PIK3R4: variants seen among roughly 807,000 people sequenced by gnomAD.
PIK3R4 encodes the protein phosphoinositide 3-kinase regulatory subunit 4.
PIK3R4 carries 46 observed loss-of-function variants against 136.5 expected under a neutral mutation model. The ratio of observed to expected loss-of-function variants is 0.34; its 90% confidence interval spans 0.27 to 0.43. PIK3R4 has a LOEUF of 0.43. Ranked by LOEUF, PIK3R4 falls within the 20% of genes least tolerant of loss-of-function variation. The pLI, the probability that PIK3R4 is intolerant of heterozygous loss-of-function variation, is 1.00. For missense variants in PIK3R4, 1,331 were observed against 1,649.5 expected (o/e 0.81, Z 3.35); for synonymous variants, 557 against 566.7 (o/e 0.98, Z 0.24).
intron 13 of PIK3R4, among the ~76,000 whole-genome samples, chr3:130,703,470 A>G (rs567813973): frequency 6.6e-6 from 1 of 152,206 alleles, no homozygotes; most frequent in South Asian, 2.1e-4. Context: ...CCTCTACTGC[A>G]TTTCCTAGCT....
At chr3:130,691,341 C>G (rs1324742394) in intron 13 of PIK3R4, among the ~76,000 whole-genome samples, 1 of 152,160 alleles carries the variant, frequency 6.6e-6, no homozygotes, top group Non-Finnish European at 1.5e-5. Context: ...TACTCATCTA[C>G]AAAACAAGTA....
chr3:130,734,816 G>T (rs2066777264), intron 3 of PIK3R4, among the ~76,000 whole-genome samples: 1 of 152,018 alleles, frequency 6.6e-6, no homozygotes, highest in African/African-American at 2.4e-5. Context: ...CACTCATAGG[G>T]TATCAGTCAT....
At chr3:130,685,488 T>C (rs2108515355) in intron 15 of PIK3R4, among the ~76,000 whole-genome samples, 1 of 152,338 alleles carries the variant, frequency 6.6e-6, no homozygotes, top group East Asian at 1.9e-4. Context: ...AAAGACTTAT[T>C]TGCAAATATT....
chr3:130,738,172 TA>T (rs201631955), intron 2 of PIK3R4, among the ~76,000 whole-genome samples: 2,333 of 152,226 alleles, frequency 0.015, 82 homozygotes, highest in African/African-American at 0.052. Context: ...AAAAACACCA[TA>T]AGCAACAAGG....
intron 3 of PIK3R4, among the ~76,000 whole-genome samples, chr3:130,734,563 G>A (rs2107619986): frequency 6.6e-6 from 1 of 152,276 alleles, no homozygotes; most frequent in South Asian, 2.1e-4. Flanking sequence ...CATATCCCGG[G>A]TTGAGTTATG....
At chr3:130,691,729 T>TATA (rs34982493) in intron 13 of PIK3R4, among the ~76,000 whole-genome samples, 29,566 of 152,074 alleles carry the variant, frequency 0.19, 3,043 homozygotes, top group South Asian at 0.35. Flanking sequence ...TAAAAACATT[T>TATA]ATAATACCAC....
At position 130,745,199 on chromosome 3, in the gene PIK3R4, C is replaced by G. The variant is rs1174287471; in HGVS notation, c.20G>C (p.Gly7Ala). MGNQLA[G>A]IAPSQILSVE... is the part of the protein sequence containing the mutation. ...AGAAAGGATCTGGGAGGGAGCAATG[C>G]CAGCAAGCTGATTTCCCATAATGGC... The change falls in exon 2 of 20, where the codon GGC becomes GCC. Residue 7 changes from glycine (G) to alanine (A), a missense_variant. Gly to Ala is a moderately conservative substitution (Grantham distance 60). This residue lies in a region of PIK3R4 where 151 missense variants were observed against 242.5 expected (regional missense o/e 0.62). Transcript: ENST00000356763. 1 of 1,600,738 alleles carries G rather than the reference C, an allele frequency of 6.2e-7. No individual in the cohort carries two copies. Among genetic ancestry groups the G allele is most frequent in the Non-Finnish European group, 8.5e-7 (1 of 1,177,248 alleles).
intron 6 of PIK3R4, 78 bp from the exon 7 acceptor site, chr3:130,723,665 A>G: frequency 8.2e-7 from 1 of 1,219,126 alleles, no homozygotes; most frequent in South Asian, 1.5e-5. Flanking sequence ...AATAAAATTA[A>G]GCAAAAGCCA....
At chr3:130,694,136 G>A (rs1457792413) in intron 13 of PIK3R4, among the ~76,000 whole-genome samples, 2 of 152,016 alleles carry the variant, frequency 1.3e-5, no homozygotes, top group Non-Finnish European at 2.9e-5. Context: ...TGATCTATAT[G>A]TCTATCCTTA....
chr3:130,703,333 T>C (rs567402169), intron 13 of PIK3R4, among the ~76,000 whole-genome samples: 39 of 152,360 alleles, frequency 2.6e-4, no homozygotes, highest in African/African-American at 8.9e-4. Context: ...CTGTTTCCTC[T>C]GCCTGGAATG....
intron 2 of PIK3R4, among the ~76,000 whole-genome samples, 171 bp from the exon 3 acceptor site, chr3:130,736,173 A>C (rs1199753228): frequency 6.6e-6 from 1 of 152,218 alleles, no homozygotes. Context: ...GAAAATGTCT[A>C]TTACCCGAAC....
intron 6 of PIK3R4, among the ~76,000 whole-genome samples, chr3:130,727,300 A>C (rs556055370): frequency 2.0e-3 from 303 of 151,532 alleles, no homozygotes; most frequent in South Asian, 0.014. Flanking sequence ...AGCTCACTGC[A>C]AGCTCCGCCT....
At chr3:130,688,044 T>C (rs919111900) in intron 14 of PIK3R4, among the ~76,000 whole-genome samples, 1 of 152,218 alleles carries the variant, frequency 6.6e-6, no homozygotes, top group Non-Finnish European at 1.5e-5. Context: ...CACATCTATA[T>C]TTCTGCATCT....
intron 9 of PIK3R4, among the ~76,000 whole-genome samples, chr3:130,711,857 T>G (rs1364506778): frequency 6.6e-6 from 1 of 152,242 alleles, no homozygotes; most frequent in Non-Finnish European, 1.5e-5. Context: ...GATAAAATCT[T>G]AACATTGCAT....
rs1461030315 is a variant in PIK3R4, at chr3:130,734,572, T to C, written c.868-442A>G. Among the ~76,000 whole-genome samples, 7 of 152,346 alleles carry C rather than the reference T, an allele frequency of 4.6e-5. No individual in the cohort carries two copies. In the East Asian group the frequency reaches 1.3e-3, roughly 29 times the overall value. ...CATTTACATATCCCGGGTTGAGTTA[T>C]GGTTCAGAACCTTATTGCCACAAGT... On this transcript the variant is annotated intron_variant, in intron 3 of 19. Coordinates refer to ENST00000356763, the MANE Select transcript of PIK3R4 (RefSeq NM_014602.3).
At chr3:130,716,056 C>G in intron 9 of PIK3R4, among the ~76,000 whole-genome samples, 1 of 152,146 alleles carries the variant, frequency 6.6e-6, no homozygotes, top group East Asian at 1.9e-4. Flanking sequence ...AGCTAAATTT[C>G]ATTACATTTT....
At chr3:130,681,790 C>A (rs758372600) in intron 16 of PIK3R4, among the ~76,000 whole-genome samples, 199 bp from the exon 17 acceptor site, 1 of 152,064 alleles carries the variant, frequency 6.6e-6, no homozygotes, top group Non-Finnish European at 1.5e-5. Flanking sequence ...CTAGTCACTG[C>A]GCTAGGCACT....
intron 4 of PIK3R4, among the ~76,000 whole-genome samples, chr3:130,731,180 C>A (rs1190507496): frequency 1.3e-5 from 2 of 152,172 alleles, no homozygotes; most frequent in Non-Finnish European, 2.9e-5. Flanking sequence ...TCCTACCTTG[C>A]CTCCCACTTA....
At chr3:130,681,741 T>C in intron 16 of PIK3R4, 150 bp from the exon 17 acceptor site, 1 of 562,118 alleles carries the variant, frequency 1.8e-6, no homozygotes, top group Non-Finnish European at 3.2e-6. Context: ...TAATAATATT[T>C]ACTGAGCCAG....
Sources: gnomAD v4.1 joint callset for allele counts (sites outside exome capture counted in the v4.1 genomes callset) on GRCh38, gnomAD v4.1.1 for gene constraint, gnomAD v4.1.1 regional missense constraint, MANE v1.5 for transcripts, NCBI Gene and HGNC (gene_info 2026-07-23, HGNC 2026-07-21) for gene names.